DNAH9: variants seen among roughly 807,000 people sequenced by gnomAD.
DNAH9 encodes DNAH9 variant protein.
DNAH9 carries 345 observed loss-of-function variants against 471.6 expected under a neutral mutation model. That is an observed-to-expected ratio of 0.73 (90% CI 0.67 to 0.80). The LOEUF (loss-of-function observed/expected upper bound fraction) is 0.80. Among genes scored for constraint, DNAH9 ranks in the 30% least tolerant of loss-of-function variants. The pLI is 0.00. For synonymous variants in DNAH9, 2,093 were observed against 2,123.6 expected (o/e 0.99, Z 0.40); for missense variants, 5,407 against 5,609.2 (o/e 0.96, Z 1.15).
At chr17:11,600,124 A>G (rs1256157332) in intron 1 of DNAH9, among the ~76,000 whole-genome samples, 1 of 152,200 alleles carries the variant, frequency 6.6e-6, no homozygotes, top group Non-Finnish European at 1.5e-5. Context: ...TCTCTTAGAT[A>G]TGGAGGTATT....
At chr17:11,656,621 C>A (rs1378704810) in intron 14 of DNAH9, among the ~76,000 whole-genome samples, 5 of 152,086 alleles carry the variant, frequency 3.3e-5, no homozygotes, top group African/African-American at 4.8e-5. Flanking sequence ...ACATGCAGTA[C>A]AACGTACAGA....
In DNAH9 at chr17:11,629,226, C is replaced by A. The variant is rs570539995; in HGVS notation, c.1351-191C>A. Reference sequence around the variant, plus strand: ...ACTTGTCATTTAGCATTAGGTATATCTCCTAATGCTATCCCTCCCCCATCC... The same window carrying A: ...ACTTGTCATTTAGCATTAGGTATATATCCTAATGCTATCCCTCCCCCATCC... On this transcript the variant is annotated intron_variant, in intron 6 of 68. Transcript: ENST00000262442. Among the ~76,000 whole-genome samples the A allele has an allele frequency of 9.2e-5, 14 of 151,818 alleles. No homozygotes were observed. The South Asian group carries it at 1.9e-3, about 20-fold the overall frequency.
At chr17:11,603,287 C>T (rs529481198) in intron 1 of DNAH9, among the ~76,000 whole-genome samples, 1 of 152,258 alleles carries the variant, frequency 6.6e-6, no homozygotes, top group African/African-American at 2.4e-5. Flanking sequence ...TATTTCCCAA[C>T]GTGAGAAACA....
At chr17:11,672,746 T>C (rs2073991775) in intron 17 of DNAH9, among the ~76,000 whole-genome samples, 1 of 151,982 alleles carries the variant, frequency 6.6e-6, no homozygotes. Flanking sequence ...CGCCCTTCAC[T>C]CTACCATACC....
chr17:11,680,406 A>T (rs1276347938), intron 18 of DNAH9, among the ~76,000 whole-genome samples: 1 of 152,230 alleles, frequency 6.6e-6, no homozygotes, highest in Non-Finnish European at 1.5e-5. Flanking sequence ...GATTGTAGAA[A>T]CATCTTCCTT....
Position 11,790,272 on chromosome 17 carries a change from A to T in DNAH9, c.8062-3231A>T, listed in dbSNP as rs7218624. ...TTCAGTCCCTGAGAGAGATGTTACG[A>T]TATTTCACTGTGATGGTGGGTACGT... On this transcript the variant is annotated intron_variant, in intron 41 of 68. Coordinates refer to ENST00000262442, the MANE Select transcript of DNAH9 (RefSeq NM_001372.4). Among the ~76,000 whole-genome samples the T allele has an allele frequency of 8.8e-3, 1,343 of 152,050 alleles. 19 individuals carry two copies. The highest frequency in any genetic ancestry group is 0.031 in the African/African-American group (1,284 of 41,494).
intron 6 of DNAH9, among the ~76,000 whole-genome samples, chr17:11,622,968 C>CTTTTT (rs10551080): frequency 1.4e-3 from 150 of 105,046 alleles, no homozygotes; most frequent in African/African-American, 1.6e-3. Flanking sequence ...TTTTCTTTTT[C>CTTTTT]TTTTTTTTTT....
intron 38 of DNAH9, among the ~76,000 whole-genome samples, chr17:11,773,567 A>G (rs900266329): frequency 1.3e-5 from 2 of 152,104 alleles, no homozygotes; most frequent in Non-Finnish European, 2.9e-5. Context: ...ATATATACAC[A>G]TACACATAAT....
intron 28 of DNAH9, among the ~76,000 whole-genome samples, chr17:11,738,528 A>C (rs2075384905): frequency 6.6e-6 from 1 of 152,128 alleles, no homozygotes. Context: ...TTACAGATGC[A>C]CACCACCATA....
intron 28 of DNAH9, among the ~76,000 whole-genome samples, chr17:11,734,367 A>G (rs2075312968): frequency 6.6e-6 from 1 of 152,240 alleles, no homozygotes. Context: ...TCCACCCCGA[A>G]AAGATGTTGA....
intron 4 of DNAH9, among the ~76,000 whole-genome samples, chr17:11,613,367 A>G (rs1437753516): frequency 6.6e-6 from 1 of 152,200 alleles, no homozygotes; most frequent in East Asian, 1.9e-4. Flanking sequence ...CACACCTGTG[A>G]TCCCAGCACT....
At chr17:11,902,990 G>A (rs1237584523) in intron 60 of DNAH9, 78 bp downstream of exon 60, 3 of 1,476,140 alleles carry the variant, frequency 2.0e-6, no homozygotes, top group African/African-American at 1.4e-5. Flanking sequence ...CAGCAGGGCT[G>A]AGCTCCAAAG....
intron 8 of DNAH9, among the ~76,000 whole-genome samples, chr17:11,633,111 A>G (rs1394634606): frequency 6.6e-6 from 1 of 152,144 alleles, no homozygotes; most frequent in Non-Finnish European, 1.5e-5. Flanking sequence ...GAATAAGAAG[A>G]TTTGTGCTCT....
intron 7 of DNAH9, chr17:11,630,486 G>C (rs949553608): frequency 3.3e-5 from 5 of 152,314 alleles, no homozygotes; most frequent in African/African-American, 1.2e-4. Flanking sequence ...TCATAAGTGG[G>C]AGTTGAACAA....
intron 45 of DNAH9, among the ~76,000 whole-genome samples, chr17:11,813,503 C>A (rs1320439524): frequency 6.6e-6 from 1 of 152,182 alleles, no homozygotes; most frequent in Non-Finnish European, 1.5e-5. Context: ...TGCAATGACT[C>A]CACCCTTGGA....
At position 11,695,905 on chromosome 17, in the gene DNAH9, T is replaced by C. The variant is rs937385057; in HGVS notation, c.4872+1458T>C. Among the ~76,000 whole-genome samples, 4 of 152,134 alleles carry C rather than the reference T, an allele frequency of 2.6e-5. 1 individual carries two copies. The South Asian group carries it at 8.3e-4, about 32-fold the overall frequency. ...ATTTTGTTATTCATTTAAAGAATAG[T>C]TGGGCTCATTTGCTTCTTTTTGCTT... is the stretch of plus-strand genomic sequence containing the variant. On this transcript the variant is annotated intron_variant, in intron 22 of 68. Transcript: ENST00000262442.
chr17:11,861,230 T>C (rs1971836206), intron 50 of DNAH9, among the ~76,000 whole-genome samples: 1 of 151,624 alleles, frequency 6.6e-6, no homozygotes, highest in Non-Finnish European at 1.5e-5. Context: ...CCTGTGTCCA[T>C]GTGTTCTCAT....
chr17:11,608,635 G>C (rs1042083587), intron 2 of DNAH9, among the ~76,000 whole-genome samples: 2 of 152,198 alleles, frequency 1.3e-5, no homozygotes, highest in African/African-American at 4.8e-5. Context: ...TATCAGGATA[G>C]TGTCTCATCA....
intron 30 of DNAH9, among the ~76,000 whole-genome samples, chr17:11,742,597 A>G (rs560616695): frequency 1.3e-5 from 2 of 152,290 alleles, no homozygotes; most frequent in East Asian, 3.9e-4. Context: ...ACAGTGGCCA[A>G]TAAAAACCCC....
Sources: allele counts gnomAD v4.1 joint callset (sites outside exome capture counted in the v4.1 genomes callset), GRCh38; gene constraint gnomAD v4.1.1; transcripts MANE v1.5; gene names NCBI Gene and HGNC (gene_info 2026-07-23, HGNC 2026-07-21).